LIN7B: variants seen among roughly 807,000 people sequenced by gnomAD.
The protein encoded by LIN7B is lin-7 cell polarity scaffold B.
LIN7B carries 16 observed loss-of-function variants against 27.9 expected under a neutral mutation model. The observed-to-expected ratio is 0.57, with a 90% CI of 0.39 to 0.87. LIN7B has a LOEUF of 0.87. Among genes scored for constraint, LIN7B ranks in the 40% least tolerant of loss-of-function variants. The probability of loss-of-function intolerance (pLI) is 0.00; values close to 1 mark genes in which losing one functional copy is unlikely to be tolerated. For synonymous variants in LIN7B, 147 were observed against 120.8 expected (o/e 1.22, Z -1.42); for missense variants, 291 against 288.5 (o/e 1.01, Z -0.06).
chr19:49,117,245 C>CAAAAAA (rs1256318523), intron 4 of LIN7B, among the ~76,000 whole-genome samples: 1 of 36,380 alleles, frequency 2.7e-5, no homozygotes, highest in Non-Finnish European at 5.9e-5. Context: ...GACTCCCTCT[C>CAAAAAA]AAAAAAAAAA....
rs955364611 is a variant in LIN7B at position 49,117,755 on chromosome 19, G to A, written c.439-100G>A. 1.4e-5 allele frequency: 14 copies of A among 1,035,322 alleles called. No individual in the cohort carries two copies. In the East Asian group the frequency reaches 1.4e-4, roughly 11 times the overall value. The allele number at this position is 1,035,322 out of a possible 1,614,324, so 64.1% of individuals were successfully genotyped here. On this transcript the variant is annotated intron_variant, in intron 4 of 5. Transcript: ENST00000221459. ...GAGGACATGAGGCATTGACATCTCA[G>A]GGCTGGCACCAGGCTCACTAGCAGT...
chr19:49,115,632 A>C (rs1202716276), intron 3 of LIN7B: 2 of 281,908 alleles, frequency 7.1e-6, no homozygotes, highest in Non-Finnish European at 1.3e-5. Flanking sequence ...AGATGCTGCT[A>C]CCTCTTGCTG....
At position 49,114,424 on chromosome 19, in the gene LIN7B, C is replaced by T. The variant is rs1250424914; in HGVS notation, c.20C>T (p.Pro7Leu). The change falls in exon 1 of 6, where the codon CCG becomes CTG. Residue 7 changes from proline to leucine, a missense_variant. Coordinates refer to ENST00000221459, the MANE Select transcript of LIN7B (RefSeq NM_022165.3). Reference sequence around the variant, plus strand: ...GCCGACATGGCTGCGCTGGTGGAGCCGCTGGGGCTGGAGCGGGGTAAGCGT... The same window carrying T: ...GCCGACATGGCTGCGCTGGTGGAGCTGCTGGGGCTGGAGCGGGGTAAGCGT... MAALVEPLGLERDVSRA... is the reference protein window; with the variant it reads MAALVELLGLERDVSRA... 4 of 1,206,086 alleles carry T rather than the reference C, an allele frequency of 3.3e-6. No individual in the cohort carries two copies. The African/African-American group carries it at 4.7e-5, about 14-fold the overall frequency. 74.7% of individuals were successfully genotyped at this position (1,206,086 alleles called of 1,614,324 possible).
In LIN7B at chr19:49,114,840, G is replaced by A. The variant is rs1600304299; in HGVS notation, c.38-9G>A. On this transcript the variant is annotated splice_polypyrimidine_tract_variant and intron_variant, in intron 1 of 5. Coordinates refer to ENST00000221459, the MANE Select transcript of LIN7B (RefSeq NM_022165.3). ...CTCGGGGTTTCTGCGCCCCGCCCCC[G>A]CCCCGCAGACGTGTCCCGGGCGGTT... 5 of 1,421,754 alleles carry A rather than the reference G, an allele frequency of 3.5e-6. No individual in the cohort carries two copies. Among genetic ancestry groups the A allele is most frequent in the Admixed American group, 2.8e-5 (1 of 35,462 alleles). The allele number at this position is 1,421,754 out of a possible 1,614,324, so 88.1% of individuals were successfully genotyped here.
At chr19:49,114,828 C>A in intron 1 of LIN7B, 21 bp from the exon 2 acceptor site, 1 of 1,383,136 alleles carries the variant, frequency 7.2e-7, no homozygotes, top group South Asian at 1.5e-5. Context: ...GGGGTTTCTG[C>A]GCCCCGCCCC....
Position 49,116,313 on chromosome 19 carries a change from A to G in LIN7B, c.279A>G (p.Val93=), listed in dbSNP as rs768034984. ...TASEGHAHPR[V]VELPKTDEGL... ...GCGAGGGCCACGCACATCCCAGGGT[A>G]GTGGAGCTACCCAAGACGGATGAGG... The change falls in exon 4 of 6, where the codon GTA becomes GTG. Residue 93 remains valine, a synonymous_variant. Coordinates refer to ENST00000221459, the MANE Select transcript of LIN7B (RefSeq NM_022165.3). 5.6e-6 allele frequency: 9 copies of G among 1,613,984 alleles called. No individual in the cohort carries two copies. In the East Asian group the frequency reaches 1.6e-4, roughly 28 times the overall value.
intron 4 of LIN7B, among the ~76,000 whole-genome samples, chr19:49,117,263 A>G (rs867585206): frequency 1.4e-4 from 16 of 113,580 alleles, no homozygotes; most frequent in Non-Finnish European, 2.4e-4. Flanking sequence ...AAAAAAAAAA[A>G]CAAAACTCAC....
intron 5 of LIN7B, 49 bp downstream of exon 5, chr19:49,118,067 A>C (rs749623414): frequency 1.2e-6 from 2 of 1,604,140 alleles, no homozygotes; most frequent in Admixed American, 3.4e-5. Context: ...GGCTCCCTTT[A>C]ACCCCAGGCT....
At chr19:49,118,277 T>A (rs2040869030) in intron 5 of LIN7B, 75 bp from the exon 6 acceptor site, 1 of 1,552,766 alleles carries the variant, frequency 6.4e-7, no homozygotes, top group Admixed American at 1.7e-5. Flanking sequence ...CCCTTGCCTC[T>A]GCAACCCCAG....
chr19:49,118,096 T>C, intron 5 of LIN7B, 78 bp downstream of exon 5: 2 of 1,572,220 alleles, frequency 1.3e-6, no homozygotes, highest in South Asian at 2.3e-5. Context: ...AGGCCAGTGC[T>C]TCCTGGATCT....
At chr19:49,117,564 A>G (rs556251830) in intron 4 of LIN7B, among the ~76,000 whole-genome samples, 1 of 150,636 alleles carries the variant, frequency 6.6e-6, no homozygotes, top group Non-Finnish European at 1.5e-5. Flanking sequence ...GACAAAAAAG[A>G]GGGAGTCAAG....
intron 1 of LIN7B, 65 bp from the exon 2 acceptor site, chr19:49,114,784 C>T: frequency 9.9e-7 from 1 of 1,011,052 alleles, no homozygotes; most frequent in Non-Finnish European, 1.4e-6. Context: ...CGCCGCTCTC[C>T]TTGCTTCTCT....
chr19:49,115,154 G>A, intron 2 of LIN7B, 106 bp from the exon 3 acceptor site: 2 of 1,044,810 alleles, frequency 1.9e-6, no homozygotes, highest in Non-Finnish European at 2.7e-6. Context: ...TTGCGGGGGC[G>A]GGGCGGATCC....
chr19:49,118,323 C>T, intron 5 of LIN7B, 29 bp from the exon 6 acceptor site: 7 of 1,613,668 alleles, frequency 4.3e-6, no homozygotes, highest in Non-Finnish European at 5.9e-6. Context: ...CCTCCCTGAT[C>T]CCGGGTCCCT....
chr19:49,118,001 A>T lies in LIN7B; in HGVS notation c.585A>T (p.Gln195His). 6.2e-7 allele frequency: 1 copy of T among 1,613,986 alleles called. No individual in the cohort carries two copies. Among genetic ancestry groups the T allele is most frequent in the Non-Finnish European group, 8.5e-7 (1 of 1,179,942 alleles). The change falls in exon 5 of 6, where the codon CAA (glutamine) becomes CAT (histidine). Residue 195 changes from glutamine to histidine, a missense_variant. By Grantham distance (24) the Gln-to-His change is conservative. Coordinates refer to ENST00000221459, the MANE Select transcript of LIN7B (RefSeq NM_022165.3). ...FEKMRSARRR[Q>H]QHQSYSSLES... ...AGATGCGCTCTGCCCGCCGGCGCCA[A>T]CAGCATCAGAGCTACTCGTGAGCCC... is the stretch of plus-strand genomic sequence containing the variant.
At chr19:49,114,819 G>A (rs2040797527) in intron 1 of LIN7B, 30 bp from the exon 2 acceptor site, 12 of 1,307,526 alleles carry the variant, frequency 9.2e-6, no homozygotes, top group Non-Finnish European at 1.2e-5. Flanking sequence ...CTGACACTCG[G>A]GGTTTCTGCG....
intron 3 of LIN7B, 38 bp from the exon 4 acceptor site, chr19:49,116,225 G>A: frequency 6.3e-7 from 1 of 1,582,738 alleles, no homozygotes; most frequent in Non-Finnish European, 8.6e-7. Context: ...TGCCTACCTG[G>A]AAGGGGCCCT....
chr19:49,115,009 GTCC>G (rs758928460), intron 2 of LIN7B, 42 bp downstream of exon 2: 4,471 of 1,222,438 alleles, frequency 3.7e-3, no homozygotes, highest in South Asian at 8.0e-3. Flanking sequence ...GGTGGCCGTC[GTCC>G]TCCTCCTCCT....
chr19:49,114,946 C>T lies in LIN7B; in HGVS notation c.135C>T (p.Arg45=). The T allele has an allele frequency of 5.6e-6, 8 of 1,437,070 alleles. No individual in the cohort carries two copies. Among genetic ancestry groups the T allele is most frequent in the Non-Finnish European group, 7.3e-6 (8 of 1,096,794 alleles). 89.0% of individuals were successfully genotyped at this position (1,437,070 alleles called of 1,614,324 possible). A position where few individuals can be genotyped will look rare whatever the true frequency, so the allele number is the denominator to read the frequency against. ...CCCTCCAGCGAGTTCTGCAGAGCCG[C>T]TTCTGCTCCGCTATCCGAGAGGTGA... ...LQALQRVLQS[R]FCSAIREVYE... is the part of the protein sequence containing the mutation. Residue 45 remains arginine (R), a synonymous_variant, in exon 2 of 6, where the codon CGC becomes CGT. Transcript: ENST00000221459.
Sources: allele counts gnomAD v4.1 joint callset (sites outside exome capture counted in the v4.1 genomes callset), GRCh38; gene constraint gnomAD v4.1.1; transcripts MANE v1.5; gene names NCBI Gene and HGNC (gene_info 2026-07-23, HGNC 2026-07-21).